Variants in SLIT3 observed in about 807,000 individuals in gnomAD.
The protein encoded by SLIT3 is slit guidance ligand 3.
Under a neutral mutation model 184.0 loss-of-function variants are expected in SLIT3, and 68 were observed. The observed-to-expected ratio is 0.37, with a 90% confidence interval of 0.30 to 0.45. The LOEUF (loss-of-function observed/expected upper bound fraction) is 0.45. SLIT3 is among the 20% of genes least tolerant of loss of function. SLIT3 has a pLI of 1.00. For missense variants in SLIT3, 1,707 were observed against 2,026.0 expected (o/e 0.84, Z 3.02); for synonymous variants, 831 against 828.6 (o/e 1.00, Z -0.05).
chr5:169,054,414 G>A (rs1156286676), intron 4 of SLIT3, among the ~76,000 whole-genome samples: 2 of 152,076 alleles, frequency 1.3e-5, no homozygotes, highest in Non-Finnish European at 2.9e-5. Flanking sequence ...AGAACTGTGA[G>A]AGAATACATT....
Position 168,687,135 on chromosome 5 carries a change from C to T in SLIT3, c.3177-19G>A. 6.2e-7 allele frequency: 1 copy of T among 1,609,786 alleles called. No homozygotes were observed. Among genetic ancestry groups the T allele is most frequent in the South Asian group, 1.1e-5 (1 of 91,008 alleles). On this transcript the variant is annotated intron_variant, in intron 29 of 35. Coordinates refer to ENST00000519560, the MANE Select transcript of SLIT3 (RefSeq NM_003062.4). ...CTCGCAGCTGGAACATAGGCAGAGG[C>T]AAGGCCGTTCCTCAAGGCAAAGCCA... is the stretch of plus-strand genomic sequence containing the variant.
At chr5:168,765,814 T>C (rs1755322096) in intron 14 of SLIT3, among the ~76,000 whole-genome samples, 1 of 152,162 alleles carries the variant, frequency 6.6e-6, no homozygotes, top group Non-Finnish European at 1.5e-5. Flanking sequence ...TTGGAAGAGC[T>C]GATGTCATCT....
intron 4 of SLIT3, among the ~76,000 whole-genome samples, chr5:169,177,925 T>C (rs1763034004): frequency 6.6e-6 from 1 of 152,194 alleles, no homozygotes; most frequent in African/African-American, 2.4e-5. Context: ...TTCCTTCTGA[T>C]TGCCTCTTCT....
intron 1 of SLIT3, among the ~76,000 whole-genome samples, chr5:169,263,953 C>T (rs758968170): frequency 1.3e-5 from 2 of 150,184 alleles, no homozygotes; most frequent in African/African-American, 2.4e-5. Context: ...CTAGGTTTCT[C>T]GGGGTGGAGA....
chr5:168,831,117 C>T (rs567209301), intron 6 of SLIT3, among the ~76,000 whole-genome samples: 5 of 152,306 alleles, frequency 3.3e-5, no homozygotes, highest in South Asian at 2.1e-4. Context: ...TTGGCTAACA[C>T]GTATCAGTGT....
intron 1 of SLIT3, among the ~76,000 whole-genome samples, chr5:169,271,418 C>CTA (rs1370622635): frequency 6.6e-5 from 10 of 152,150 alleles, no homozygotes; most frequent in African/African-American, 2.4e-4. Flanking sequence ...AGACAGTGGG[C>CTA]TATTTTAAGC....
intron 4 of SLIT3, among the ~76,000 whole-genome samples, chr5:169,033,066 A>G (rs1757097276): frequency 6.6e-6 from 1 of 150,528 alleles, no homozygotes; most frequent in South Asian, 2.1e-4. Flanking sequence ...CACCCTCCCT[A>G]CTTAATACAG....
At chr5:169,028,592 A>G (rs1328703659) in intron 4 of SLIT3, among the ~76,000 whole-genome samples, 3 of 152,262 alleles carry the variant, frequency 2.0e-5, no homozygotes, top group Non-Finnish European at 2.9e-5. Context: ...TTATTACTAT[A>G]TTATTATTCA....
Position 168,806,575 on chromosome 5 carries a change from T to A in SLIT3, c.806A>T (p.Glu269Val), listed in dbSNP as rs752302862. The change falls in exon 9 of 36, where the codon GAG becomes GTG. Residue 269 changes from glutamate to valine, a missense_variant. By Grantham distance (121) the Glu-to-Val change is moderately radical. Coordinates refer to ENST00000519560, the MANE Select transcript of SLIT3 (RefSeq NM_003062.4). ...GGAGTTGGCATTGCAGGATGGGGGC[T>A]CCGAGTGGGGGGCTGTGGAGCCAAG... ...KEYVCPAPHSEPPSCNANSIS... is the reference protein window; with the variant it reads ...KEYVCPAPHSVPPSCNANSIS... 1 of 1,614,100 alleles carries A rather than the reference T, an allele frequency of 6.2e-7. No homozygotes were observed. The highest frequency in any genetic ancestry group is 8.5e-7 in the Non-Finnish European group (1 of 1,179,990).
At chr5:169,201,825 T>G (rs1407943601) in intron 3 of SLIT3, among the ~76,000 whole-genome samples, 1 of 152,178 alleles carries the variant, frequency 6.6e-6, no homozygotes, top group Non-Finnish European at 1.5e-5. Flanking sequence ...CCAGAACTAG[T>G]CACATGGCAC....
chr5:169,104,482 G>T (rs1163931095), intron 4 of SLIT3, among the ~76,000 whole-genome samples: 1 of 152,148 alleles, frequency 6.6e-6, no homozygotes, highest in African/African-American at 2.4e-5. Flanking sequence ...AAAACTAACA[G>T]CCAATTTCAC....
intron 16 of SLIT3, among the ~76,000 whole-genome samples, chr5:168,754,821 A>G (rs1219119194): frequency 6.6e-6 from 1 of 152,168 alleles, no homozygotes; most frequent in Non-Finnish European, 1.5e-5. Context: ...TGTCTTTTCA[A>G]TGCTCTGGGG....
At chr5:168,670,034 T>A (rs758481773) in intron 34 of SLIT3, 43 bp from the exon 35 acceptor site, 2 of 1,569,576 alleles carry the variant, frequency 1.3e-6, no homozygotes, top group South Asian at 1.1e-5. Flanking sequence ...GGATCAGAGT[T>A]GGTGCTGCTG....
chr5:169,160,873 T>A (rs1399170177), intron 4 of SLIT3, among the ~76,000 whole-genome samples: 1 of 152,174 alleles, frequency 6.6e-6, no homozygotes, highest in Non-Finnish European at 1.5e-5. Flanking sequence ...GCATTTCCCT[T>A]TTAGCTCTCT....
intron 35 of SLIT3, 86 bp downstream of exon 35, chr5:168,669,697 C>T: frequency 1.8e-6 from 2 of 1,109,814 alleles, no homozygotes; most frequent in Non-Finnish European, 1.3e-6. Flanking sequence ...TTAAGTGGCA[C>T]AGCCAGAACT....
chr5:168,952,570 T>A (rs1762692349), intron 4 of SLIT3, among the ~76,000 whole-genome samples: 4 of 120,224 alleles, frequency 3.3e-5, no homozygotes, highest in African/African-American at 8.0e-5. Flanking sequence ...GCAAAGGGAT[T>A]TAAAAAAAAA....
intron 4 of SLIT3, among the ~76,000 whole-genome samples, chr5:168,980,098 A>G (rs1754899318): frequency 6.6e-6 from 1 of 152,146 alleles, no homozygotes; most frequent in Non-Finnish European, 1.5e-5. Flanking sequence ...CAGGGGACAC[A>G]GCCCTCAAAA....
At chr5:168,723,038 G>A (rs1466250662) in intron 21 of SLIT3, 34 bp from the exon 22 acceptor site, 2 of 1,536,864 alleles carry the variant, frequency 1.3e-6, no homozygotes, top group East Asian at 2.2e-5. Context: ...TCATGCTTTT[G>A]TCTTAGTTGC....
intron 5 of SLIT3, among the ~76,000 whole-genome samples, chr5:168,871,197 C>T (rs1488889891): frequency 3.3e-5 from 5 of 152,198 alleles, no homozygotes; most frequent in Non-Finnish European, 7.3e-5. Flanking sequence ...CTGCTTCCAG[C>T]ACATGTCTTT....
Sources: allele counts gnomAD v4.1 joint callset (sites outside exome capture counted in the v4.1 genomes callset), GRCh38; gene constraint gnomAD v4.1.1; transcripts MANE v1.5; gene names NCBI Gene and HGNC (gene_info 2026-07-23, HGNC 2026-07-21).